Variants in ADGRL3 observed in about 807,000 individuals in gnomAD.
ADGRL3 encodes the protein adhesion G protein-coupled receptor L3.
ADGRL3 carries 62 observed loss-of-function variants against 153.5 expected under a neutral mutation model. The ratio of observed to expected loss-of-function variants is 0.40; its 90% CI spans 0.33 to 0.50. The LOEUF is 0.50. ADGRL3 is among the 20% of genes least tolerant of loss of function. The pLI, the probability that ADGRL3 is intolerant of heterozygous loss-of-function variation, is 0.47. For missense variants in ADGRL3, 1,641 were observed against 1,859.4 expected, an observed-to-expected ratio of 0.88 and a Z score of 2.16; for synonymous variants, 710 against 672.5, an observed-to-expected ratio of 1.06 and a Z score of -0.86.
chr4:61,686,609 A>G (rs2095448573), intron 6 of ADGRL3, among the ~76,000 whole-genome samples: 1 of 152,104 alleles, frequency 6.6e-6, no homozygotes. Context: ...TAGCATATAC[A>G]GCACTTCAGA....
intron 1 of ADGRL3, among the ~76,000 whole-genome samples, chr4:61,268,832 A>C (rs2149741058): frequency 6.6e-6 from 1 of 151,766 alleles, no homozygotes; most frequent in Non-Finnish European, 1.5e-5. Context: ...TTAAGATGGC[A>C]AAAACCTACA....
At chr4:61,718,635 A>G (rs1000287950) in intron 6 of ADGRL3, among the ~76,000 whole-genome samples, 6 of 152,214 alleles carry the variant, frequency 3.9e-5, no homozygotes, top group African/African-American at 9.6e-5. Context: ...TAATCAGTTT[A>G]GTAGATATCA....
At chr4:61,212,122 T>C (rs7678826) in intron 1 of ADGRL3, 93,545 of 151,952 alleles carry the variant, frequency 0.62, 29,245 homozygotes, top group Admixed American at 0.69. Flanking sequence ...CAAATTGTTC[T>C]AAAACCAGAA....
intron 1 of ADGRL3, among the ~76,000 whole-genome samples, chr4:61,364,953 A>G (rs1265064773): frequency 6.6e-6 from 1 of 152,214 alleles, no homozygotes; most frequent in Non-Finnish European, 1.5e-5. Context: ...TAAAAGTTCT[A>G]ACAATTGTGA....
intron 9 of ADGRL3, among the ~76,000 whole-genome samples, chr4:61,891,449 TAGAC>T (rs1339267374): frequency 6.6e-6 from 1 of 152,118 alleles, no homozygotes; most frequent in African/African-American, 2.4e-5. Context: ...AGACACATAA[TAGAC>T]AGCATCACTT....
At chr4:61,852,599 G>A (rs910454863) in intron 9 of ADGRL3, among the ~76,000 whole-genome samples, 9 of 152,170 alleles carry the variant, frequency 5.9e-5, no homozygotes, top group African/African-American at 2.2e-4. Flanking sequence ...ACAGGTGTGA[G>A]CCATAGCTCC....
chr4:61,635,026 C>A (rs575088916), intron 5 of ADGRL3, among the ~76,000 whole-genome samples: 1 of 152,216 alleles, frequency 6.6e-6, no homozygotes, highest in Admixed American at 6.6e-5. Flanking sequence ...AGAAGCAAAT[C>A]TTTTAAGGAG....
chr4:62,040,967 A>G (rs1260443751), intron 24 of ADGRL3, among the ~76,000 whole-genome samples: 1 of 152,096 alleles, frequency 6.6e-6, no homozygotes, highest in Non-Finnish European at 1.5e-5. Flanking sequence ...TACAGTTTGG[A>G]GAACTTACAA....
At chr4:61,627,057 T>C (rs2092875145) in intron 5 of ADGRL3, among the ~76,000 whole-genome samples, 1 of 152,128 alleles carries the variant, frequency 6.6e-6, no homozygotes. Context: ...ATTTGCTCCT[T>C]TTCAAATAAA....
intron 8 of ADGRL3, among the ~76,000 whole-genome samples, chr4:61,739,161 A>G (rs1048867679): frequency 2.0e-5 from 3 of 152,172 alleles, no homozygotes; most frequent in South Asian, 2.1e-4. Context: ...TTTAAATAAT[A>G]TAGTTATATT....
intron 2 of ADGRL3, among the ~76,000 whole-genome samples, chr4:61,453,539 G>T (rs1291967601): frequency 6.6e-6 from 1 of 151,754 alleles, no homozygotes; most frequent in African/African-American, 2.4e-5. Context: ...TTTTTAATAG[G>T]CGCTGTATGG....
intron 5 of ADGRL3, among the ~76,000 whole-genome samples, chr4:61,647,057 C>A (rs1212930298): frequency 6.6e-6 from 1 of 152,152 alleles, no homozygotes; most frequent in African/African-American, 2.4e-5. Context: ...CGTCCATCAC[C>A]CCTTTCTTTG....
intron 5 of ADGRL3, among the ~76,000 whole-genome samples, chr4:61,667,393 G>A (rs2094836949): frequency 6.6e-6 from 1 of 152,006 alleles, no homozygotes; most frequent in East Asian, 1.9e-4. Flanking sequence ...AAAATTTTTA[G>A]AGCATAGGCA....
chr4:61,730,495 C>T, intron 6 of ADGRL3, 127 bp from the exon 7 acceptor site: 1 of 295,538 alleles, frequency 3.4e-6, no homozygotes, highest in East Asian at 5.4e-5. Flanking sequence ...TTCAATAAAG[C>T]AAGTATGAGT....
intron 6 of ADGRL3, among the ~76,000 whole-genome samples, chr4:61,679,040 A>G (rs57415754): frequency 0.62 from 94,182 of 151,858 alleles, 30,052 homozygotes; most frequent in Non-Finnish European, 0.72. Context: ...GGAATACCTC[A>G]GACTGGGTAA....
intron 2 of ADGRL3, among the ~76,000 whole-genome samples, chr4:61,438,636 T>C (rs1327274963): frequency 6.6e-6 from 1 of 151,850 alleles, no homozygotes; most frequent in Non-Finnish European, 1.5e-5. Context: ...AGTTGATAAG[T>C]GTTAAATATT....
chr4:61,274,340 A>G (rs1473666949), intron 1 of ADGRL3, among the ~76,000 whole-genome samples: 2 of 152,224 alleles, frequency 1.3e-5, no homozygotes, highest in African/African-American at 2.4e-5. Flanking sequence ...TTAAGGAGTT[A>G]CTTTCAAATT....
chr4:61,878,918 C>T (rs897948846), intron 9 of ADGRL3, among the ~76,000 whole-genome samples: 4 of 152,130 alleles, frequency 2.6e-5, no homozygotes, highest in Non-Finnish European at 2.9e-5. Flanking sequence ...GGGCCATCTA[C>T]AATTATGATT....
At position 62,072,377 on chromosome 4, in the gene ADGRL3, A is replaced by G. The variant is rs2151941530; in HGVS notation, c.*1469A>G. 6.5e-6 allele frequency: 1 copy of G among 152,702 alleles called. No homozygotes were observed. The highest frequency in any genetic ancestry group is 1.9e-4 in the East Asian group (1 of 5,180). 9.5% of individuals were successfully genotyped at this position (152,702 alleles called of 1,614,324 possible). ...GGTCTCAAAGTTGGATGACCTCATTACTAATATTTGTTGTAAAAGTGAAAC... is the reference window on the plus strand; with the variant it reads ...GGTCTCAAAGTTGGATGACCTCATTGCTAATATTTGTTGTAAAAGTGAAAC... On this transcript the variant is annotated 3_prime_UTR_variant, in exon 27 of 27. Coordinates refer to ENST00000683033, the MANE Select transcript of ADGRL3 (RefSeq NM_001387552.1).
Sources: allele counts gnomAD v4.1 joint callset (sites outside exome capture counted in the v4.1 genomes callset), GRCh38; gene constraint gnomAD v4.1.1; transcripts MANE v1.5; gene names NCBI Gene and HGNC (gene_info 2026-07-23, HGNC 2026-07-21).